CDK17: variants seen among roughly 807,000 people sequenced by gnomAD.
The protein encoded by CDK17 is cyclin dependent kinase 17.
CDK17 carries 24 observed loss-of-function variants against 77.6 expected under a neutral mutation model. That is an observed-to-expected ratio of 0.31 (90% CI 0.22 to 0.44). CDK17 has a LOEUF of 0.44. Among genes scored for constraint, CDK17 ranks in the 20% least tolerant of loss-of-function variants. The pLI is 1.00. For missense variants in CDK17, 429 were observed against 622.5 expected (o/e 0.69, Z 3.31); for synonymous variants, 203 against 210.4 (o/e 0.96, Z 0.30).
At chr12:96,286,355 G>A (rs1952246585) in intron 12 of CDK17, among the ~76,000 whole-genome samples, 1 of 151,834 alleles carries the variant, frequency 6.6e-6, no homozygotes, top group South Asian at 2.1e-4. Flanking sequence ...TAAAAAGGAT[G>A]CCTGGTCCTT....
At chr12:96,362,983 G>A (rs1953519642) in intron 1 of CDK17, among the ~76,000 whole-genome samples, 2 of 152,054 alleles carry the variant, frequency 1.3e-5, no homozygotes, top group Non-Finnish European at 2.9e-5. Context: ...AAAGAAGAAA[G>A]ACCTCACACA....
rs756625492 is a variant in CDK17, at chr12:96,324,113, C to CTG, written c.119-3_119-2dup. Reference sequence around the variant, plus strand: ...GGCCTGCCATTCTTCACAATAGGCTCTGTGGTTCATAGAATTCGAAAATCA... The same window carrying CTG: ...GGCCTGCCATTCTTCACAATAGGCTCTGTGTGGTTCATAGAATTCGAAAATCA... On this transcript the variant is annotated splice_acceptor_variant, in intron 2 of 16. Coordinates refer to ENST00000261211, the MANE Select transcript of CDK17 (RefSeq NM_002595.5). LOFTEE classifies it high-confidence loss of function. 139 of 1,596,774 alleles carry CTG rather than the reference C, an allele frequency of 8.7e-5. No individual in the cohort carries two copies. The highest frequency in any genetic ancestry group is 1.1e-4 in the Non-Finnish European group (129 of 1,172,726).
intron 1 of CDK17, among the ~76,000 whole-genome samples, chr12:96,359,239 C>T (rs1953457976): frequency 6.6e-6 from 1 of 152,154 alleles, no homozygotes. Flanking sequence ...CATGAAGATA[C>T]ATACACCATG....
chr12:96,308,070 G>A (rs568348824), intron 5 of CDK17, among the ~76,000 whole-genome samples: 1 of 151,844 alleles, frequency 6.6e-6, no homozygotes, highest in South Asian at 2.1e-4. Context: ...AAAATATTTT[G>A]TAGACTATCT....
chr12:96,383,612 G>C (rs1018927597), intron 1 of CDK17, among the ~76,000 whole-genome samples: 6 of 152,030 alleles, frequency 3.9e-5, no homozygotes, highest in Admixed American at 3.9e-4. Flanking sequence ...TAGAAATAAA[G>C]TTGCACAACC....
In CDK17 at chr12:96,374,337, T is replaced by A. The variant is rs141952993; in HGVS notation, c.-30+25649A>T. On this transcript the variant is annotated intron_variant, in intron 1 of 16. Coordinates refer to ENST00000261211, the MANE Select transcript of CDK17 (RefSeq NM_002595.5). Reference sequence around the variant, plus strand: ...GTTATTTTGTACATGCGTAGAAAAATTGTTAAGTAAAAATTAATCTCTGGG... The same window carrying A: ...GTTATTTTGTACATGCGTAGAAAAAATGTTAAGTAAAAATTAATCTCTGGG... Among the ~76,000 whole-genome samples, 84 of 152,304 alleles carry A rather than the reference T, an allele frequency of 5.5e-4. No individual in the cohort carries two copies. In the East Asian group the frequency reaches 0.015, roughly 28 times the overall value.
chr12:96,366,824 C>CT (rs756955412), intron 1 of CDK17, among the ~76,000 whole-genome samples: 2 of 152,146 alleles, frequency 1.3e-5, no homozygotes, highest in African/African-American at 2.4e-5. Context: ...ATATCTGGAT[C>CT]TTTTTCTCTT....
chr12:96,297,069 A>C (rs915783073), intron 9 of CDK17, among the ~76,000 whole-genome samples: 1 of 152,178 alleles, frequency 6.6e-6, no homozygotes, highest in Non-Finnish European at 1.5e-5. Context: ...GTGGTTCTAC[A>C]AAAAGGTCTG....
chr12:96,392,374 G>A (rs1359720598), intron 1 of CDK17, among the ~76,000 whole-genome samples: 11 of 151,794 alleles, frequency 7.2e-5, no homozygotes, highest in African/African-American at 1.9e-4. Context: ...ACGGCAGTAC[G>A]GAAAAAAGGA....
chr12:96,314,984 T>C (rs1228380313), intron 3 of CDK17, among the ~76,000 whole-genome samples: 9 of 152,146 alleles, frequency 5.9e-5, no homozygotes, highest in African/African-American at 2.2e-4. Context: ...TATAAGATCC[T>C]TGGGGATGGG....
At chr12:96,318,410 G>C (rs1477534855) in intron 3 of CDK17, among the ~76,000 whole-genome samples, 1 of 120,364 alleles carries the variant, frequency 8.3e-6, no homozygotes, top group Non-Finnish European at 1.8e-5. Context: ...AGTCAACAAG[G>C]ATACCCAGGA....
At chr12:96,363,046 A>G (rs1235783321) in intron 1 of CDK17, among the ~76,000 whole-genome samples, 1 of 152,232 alleles carries the variant, frequency 6.6e-6, no homozygotes, top group Non-Finnish European at 1.5e-5. Flanking sequence ...TGAAGGGACA[A>G]AGATAATTAC....
intron 2 of CDK17, among the ~76,000 whole-genome samples, chr12:96,325,960 G>A (rs1280065033): frequency 6.6e-6 from 1 of 152,158 alleles, no homozygotes; most frequent in African/African-American, 2.4e-5. Context: ...GGAGTTTGCG[G>A]CTGCAGTGAG....
chr12:96,373,603 AAG>A (rs1034333549), intron 1 of CDK17, among the ~76,000 whole-genome samples: 2 of 150,188 alleles, frequency 1.3e-5, no homozygotes, highest in Middle Eastern at 3.5e-3. Context: ...CTCAGAAGAA[AAG>A]AGAGAGAGAG....
chr12:96,336,809 C>T (rs1190817913), intron 1 of CDK17, among the ~76,000 whole-genome samples: 3 of 152,186 alleles, frequency 2.0e-5, no homozygotes, highest in South Asian at 4.1e-4. Context: ...CTCCTTCCTG[C>T]AGATGCCAGT....
intron 1 of CDK17, among the ~76,000 whole-genome samples, chr12:96,362,208 C>T (rs950183573): frequency 1.3e-5 from 2 of 151,872 alleles, no homozygotes; most frequent in Non-Finnish European, 2.9e-5. Context: ...AAGATAGTTA[C>T]AGCACACTTT....
At chr12:96,330,826 G>A in intron 2 of CDK17, among the ~76,000 whole-genome samples, 1 of 152,184 alleles carries the variant, frequency 6.6e-6, no homozygotes, top group Non-Finnish European at 1.5e-5. Context: ...TTGTGTACAA[G>A]ACTTTGATTA....
intron 1 of CDK17, among the ~76,000 whole-genome samples, chr12:96,346,538 A>C (rs1465166014): frequency 6.6e-6 from 1 of 151,938 alleles, no homozygotes; most frequent in Non-Finnish European, 1.5e-5. Context: ...TGAGGCAGGA[A>C]AACTGCTTGA....
intron 13 of CDK17, among the ~76,000 whole-genome samples, chr12:96,285,091 C>T (rs995175141): frequency 6.6e-6 from 1 of 152,062 alleles, no homozygotes; most frequent in African/African-American, 2.4e-5. Flanking sequence ...GGAGACTCTG[C>T]TTCAAAGAAA....
Sources: gnomAD v4.1 joint callset for allele counts (sites outside exome capture counted in the v4.1 genomes callset) on GRCh38, gnomAD v4.1.1 for gene constraint, MANE v1.5 for transcripts, NCBI Gene and HGNC (gene_info 2026-07-23, HGNC 2026-07-21) for gene names.